The following TRIM35 variants were observed in gnomAD, a reference collection of about 807,000 sequenced individuals.
TRIM35 encodes the protein E3 ubiquitin-protein ligase TRIM35.
In TRIM35, 37 loss-of-function variants were observed where a neutral mutation model predicts 49.1. The observed-to-expected ratio is 0.75, with a 90% CI of 0.58 to 0.99. The LOEUF is 0.99. Ranked by LOEUF, TRIM35 falls within the 50% of genes least tolerant of loss-of-function variation. The pLI is 0.00. For synonymous variants in TRIM35, 302 were observed against 289.3 expected (o/e 1.04, Z -0.45); for missense variants, 648 against 702.7 (o/e 0.92, Z 0.88).
chr8:27,309,798 C>A (rs1350222735), intron 1 of TRIM35, among the ~76,000 whole-genome samples: 2 of 150,736 alleles, frequency 1.3e-5, no homozygotes, highest in Non-Finnish European at 3.0e-5. Flanking sequence ...GCCTGGCCAA[C>A]ATGGTGAAAC....
intron 1 of TRIM35, among the ~76,000 whole-genome samples, chr8:27,307,662 G>T (rs1310635806): frequency 6.6e-6 from 1 of 152,164 alleles, no homozygotes; most frequent in Non-Finnish European, 1.5e-5. Context: ...ACAGTCAGCT[G>T]CCCGCTGAAG....
chr8:27,300,164 C>T (rs1802653904), intron 1 of TRIM35, among the ~76,000 whole-genome samples: 1 of 152,094 alleles, frequency 6.6e-6, no homozygotes, highest in Admixed American at 6.5e-5. Flanking sequence ...GGCTAACAGC[C>T]CGTGAAGACC....
At chr8:27,310,293 G>C (rs929879439) in intron 1 of TRIM35, among the ~76,000 whole-genome samples, 1 of 152,246 alleles carries the variant, frequency 6.6e-6, no homozygotes, top group African/African-American at 2.4e-5. Context: ...AGGCCAGCCA[G>C]CCAGGGTCAG....
At chr8:27,304,354 T>C (rs1802739852) in intron 1 of TRIM35, among the ~76,000 whole-genome samples, 1 of 152,256 alleles carries the variant, frequency 6.6e-6, no homozygotes, top group African/African-American at 2.4e-5. Context: ...CTTGTGAGAC[T>C]TGATACACAC....
At chr8:27,294,895 C>T (rs1028117402) in intron 2 of TRIM35, among the ~76,000 whole-genome samples, 2 of 151,916 alleles carry the variant, frequency 1.3e-5, no homozygotes, top group Non-Finnish European at 2.9e-5. Flanking sequence ...GATCTTGGCT[C>T]ACTGCAACCT....
Position 27,288,106 on chromosome 8 carries a change from T to A in TRIM35, c.926A>T (p.Asn309Ile), listed in dbSNP as rs1228968832. 4 of 1,607,870 alleles carry A rather than the reference T, an allele frequency of 2.5e-6. No homozygotes were observed. The highest frequency in any genetic ancestry group is 3.4e-6 in the Non-Finnish European group (4 of 1,179,736). The change falls in exon 6 of 6, where the codon AAC becomes ATC. Residue 309 changes from asparagine to isoleucine, a missense_variant. Physicochemically the swap from Asn to Ile is moderately radical, Grantham distance 149. Coordinates refer to ENST00000305364, the MANE Select transcript of TRIM35 (RefSeq NM_171982.5). ...CACGGAGAGCCAGCCAGCTGCGGTG[T>A]TGGGGTCAAAGCTGAAGGGTACTGC... is the stretch of plus-strand genomic sequence containing the variant. Reference protein sequence around the residue: ...VESVPFSFDPNTAAGWLSVSD... With the variant: ...VESVPFSFDPITAAGWLSVSD...
At position 27,287,670 on chromosome 8, in the gene TRIM35, G is replaced by A. The variant is rs774531348; in HGVS notation, c.1362C>T (p.His454=). 36 of 1,610,056 alleles carry A rather than the reference G, an allele frequency of 2.2e-5. No individual in the cohort carries two copies. The highest frequency in any genetic ancestry group is 1.9e-4 in the Admixed American group (11 of 59,392). ...AERHCHLYTF[H]ARFGEVRPYF... ...AGGGGCGAACCTCCCCAAAGCGGGC[G>A]TGGAAGGTGTACAGGTGGCAGTGGC... The change falls in exon 6 of 6, where the codon CAC becomes CAT. Residue 454 remains histidine, a synonymous_variant. Coordinates refer to ENST00000305364, the MANE Select transcript of TRIM35 (RefSeq NM_171982.5). This position sits in a 1 kb window ranked among gnomAD's most constrained non-coding sequence, Gnocchi z 6.0.
At chr8:27,295,815 A>G (rs1802554301) in intron 2 of TRIM35, among the ~76,000 whole-genome samples, 1 of 152,240 alleles carries the variant, frequency 6.6e-6, no homozygotes, top group South Asian at 2.1e-4. Context: ...GATTCACTGA[A>G]AAAATGAAAA....
rs529692872 is a variant in TRIM35 at position 27,287,545 on chromosome 8, C to A, written c.*5G>T. The A allele has an allele frequency of 4.7e-5, 73 of 1,561,788 alleles. No homozygotes were observed. In the South Asian group the frequency reaches 8.7e-4, roughly 19 times the overall value. On this transcript the variant is annotated 3_prime_UTR_variant, in exon 6 of 6. Coordinates refer to ENST00000305364, the MANE Select transcript of TRIM35 (RefSeq NM_171982.5). This position sits in a 1 kb window ranked among gnomAD's most constrained non-coding sequence, Gnocchi z 6.0. ...GGCACAAGACCGGGGCAGCCCCGGG[C>A]CAGCTCAGCCATCCAGTTCTTCCTT...
At chr8:27,308,603 T>G (rs1802835944) in intron 1 of TRIM35, among the ~76,000 whole-genome samples, 1 of 152,228 alleles carries the variant, frequency 6.6e-6, no homozygotes, top group Admixed American at 6.5e-5. Flanking sequence ...GTCTATTGAC[T>G]GTCTATGCCC....
At chr8:27,308,431 CCT>C (rs773769651) in intron 1 of TRIM35, among the ~76,000 whole-genome samples, 16 of 152,298 alleles carry the variant, frequency 1.1e-4, no homozygotes, top group East Asian at 1.9e-4. Flanking sequence ...CACAAACTCC[CCT>C]GTTTAGAATC....
Position 27,303,035 on chromosome 8 carries a change from T to C in TRIM35, c.436-4476A>G, listed in dbSNP as rs991945703. ...CTCAATAAGAAAGCTTTCAATGTTT[T>C]GCCATTAAATGTGATATTTGCTGTA... On this transcript the variant is annotated intron_variant, in intron 1 of 5. Coordinates refer to ENST00000305364, the MANE Select transcript of TRIM35 (RefSeq NM_171982.5). Among the ~76,000 whole-genome samples the C allele has an allele frequency of 5.9e-5, 9 of 152,376 alleles. No individual in the cohort carries two copies. The East Asian group carries it at 1.7e-3, about 29-fold the overall frequency.
chr8:27,289,050 G>A, intron 5 of TRIM35, 112 bp downstream of exon 5: 1 of 756,918 alleles, frequency 1.3e-6, no homozygotes, highest in Non-Finnish European at 2.2e-6. Flanking sequence ...AGAGAGGAGG[G>A]GAGCTCTGAG....
intron 1 of TRIM35, among the ~76,000 whole-genome samples, chr8:27,307,340 C>T (rs1400450226): frequency 6.6e-6 from 1 of 151,890 alleles, no homozygotes; most frequent in Non-Finnish European, 1.5e-5. Flanking sequence ...CGCCGCCACA[C>T]CCCCGCCACA....
intron 1 of TRIM35, among the ~76,000 whole-genome samples, chr8:27,308,044 A>T (rs542494552): frequency 2.1e-3 from 324 of 152,298 alleles, no homozygotes; most frequent in African/African-American, 7.5e-3. Context: ...GTGACAACAG[A>T]TGCAGAACGG....
rs1034425254 is a variant in TRIM35, at chr8:27,285,183, T to C, written c.*2367A>G. ...CAATGAGATGCCACATTACCCCTAC[T>C]AGGATGGCTAAGTTAAAAGATAGAT... On this transcript the variant is annotated 3_prime_UTR_variant, in exon 6 of 6. Transcript: ENST00000305364. 6.6e-6 allele frequency: 1 copy of C among 152,166 alleles called. No individual in the cohort carries two copies. Among genetic ancestry groups the C allele is most frequent in the Non-Finnish European group, 1.5e-5 (1 of 68,038 alleles). The allele number at this position is 152,166 out of a possible 1,614,324, so 9.4% of individuals were successfully genotyped here.
In TRIM35 at chr8:27,286,007, A is replaced by G; in HGVS notation, c.*1543T>C. 1 of 444,702 alleles carries G rather than the reference A, an allele frequency of 2.2e-6. No homozygotes were observed. 27.5% of individuals were successfully genotyped at this position (444,702 alleles called of 1,614,324 possible). ...GTTTTATCTAACCAGTGTACACAAC[A>G]TATTTATAACCAATTAATACGTGTG... On this transcript the variant is annotated 3_prime_UTR_variant, in exon 6 of 6. Coordinates refer to ENST00000305364, the MANE Select transcript of TRIM35 (RefSeq NM_171982.5).
In TRIM35 at chr8:27,288,033, C is replaced by T. The variant is rs1348615315; in HGVS notation, c.999G>A (p.Val333=). The change falls in exon 6 of 6, where the codon GTG becomes GTA. Residue 333 remains valine (V), a synonymous_variant. Transcript: ENST00000305364. ...CCGAGGAGAAGCGTTCCGGGTTCTC[C>T]ACCTGCACGCGGTAGCCATGGTTGG... ...SVTNHGYRVQ[V]ENPERFSSAP... is the part of the protein sequence containing the mutation. 16 of 1,613,512 alleles carry T rather than the reference C, an allele frequency of 9.9e-6. No individual in the cohort carries two copies. The highest frequency in any genetic ancestry group is 2.2e-5 in the East Asian group (1 of 44,882).
chr8:27,288,729 G>A (rs546110187), intron 5 of TRIM35, among the ~76,000 whole-genome samples: 2 of 152,286 alleles, frequency 1.3e-5, no homozygotes, highest in Non-Finnish European at 2.9e-5. Context: ...ACACTCACAC[G>A]ACCAAGGGAT....
Sources: gnomAD v4.1 joint callset for allele counts (sites outside exome capture counted in the v4.1 genomes callset) on GRCh38, gnomAD v4.1.1 for gene constraint, Gnocchi (gnomAD v3.1) non-coding constraint, MANE v1.5 for transcripts, NCBI Gene and HGNC (gene_info 2026-07-23, HGNC 2026-07-21) for gene names.